Variants in GLRA1 observed in about 807,000 individuals in gnomAD.
GLRA1 encodes the protein glycine receptor alpha 1.
Under a neutral mutation model 48.3 loss-of-function variants are expected in GLRA1, and 37 were observed. The observed-to-expected ratio is 0.77, with a 90% confidence interval of 0.59 to 1.01. GLRA1 has a LOEUF of 1.01. Ranked by LOEUF, GLRA1 falls within the 50% of genes least tolerant of loss-of-function variation. The pLI, the probability that GLRA1 is intolerant of heterozygous loss-of-function variation, is 0.00. For missense variants in GLRA1, 427 were observed against 571.0 expected (o/e 0.75, Z 2.57); for synonymous variants, 196 against 210.7 (o/e 0.93, Z 0.60).
intron 1 of GLRA1, among the ~76,000 whole-genome samples, chr5:151,915,716 C>CATAT (rs34164681): frequency 0.055 from 8,022 of 146,106 alleles, 374 homozygotes; most frequent in African/African-American, 0.13. Context: ...ATATGTAATA[C>CATAT]ATATATATAT....
Position 151,894,882 on chromosome 5 carries a change from C to T in GLRA1, c.57-2444G>A, listed in dbSNP as rs542399119. Among the ~76,000 whole-genome samples, 39 of 152,236 alleles carry T rather than the reference C, an allele frequency of 2.6e-4. No individual in the cohort carries two copies. The South Asian group carries it at 5.0e-3, about 19-fold the overall frequency. On this transcript the variant is annotated intron_variant, in intron 1 of 8. Coordinates refer to ENST00000274576, the MANE Select transcript of GLRA1 (RefSeq NM_000171.4). ...GCCATCTGGTATTGCTTTGAAGATT[C>T]GGAGGGTATTCTAGGACTATTTAGA... is the stretch of plus-strand genomic sequence containing the variant.
At chr5:151,911,841 C>T (rs1754619555) in intron 1 of GLRA1, among the ~76,000 whole-genome samples, 2 of 152,092 alleles carry the variant, frequency 1.3e-5, no homozygotes, top group East Asian at 1.9e-4. Context: ...ATCTCCTGAC[C>T]TCGTGATCTG....
In GLRA1 at chr5:151,919,041, A is replaced by C. The variant is rs1050430195; in HGVS notation, c.56+5453T>G. The stretch of plus-strand genomic sequence containing the variant: ...TGAGGACTCAGAGTGCATTTTAAAC[A>C]TTTCAAAGGCTCTAACAAATTGCAT... On this transcript the variant is annotated intron_variant, in intron 1 of 8. Coordinates refer to ENST00000274576, the MANE Select transcript of GLRA1 (RefSeq NM_000171.4). Among the ~76,000 whole-genome samples the C allele has an allele frequency of 2.0e-5, 3 of 152,348 alleles. No homozygotes were observed. The East Asian group carries it at 5.8e-4, about 29-fold the overall frequency.
In GLRA1 at chr5:151,924,615, A is replaced by C. The variant is rs930816700; in HGVS notation, c.-66T>G. 2.9e-5 allele frequency: 28 copies of C among 980,332 alleles called. No individual in the cohort carries two copies. The highest frequency in any genetic ancestry group is 6.7e-5 in the Admixed American group (4 of 59,264). 60.7% of individuals were successfully genotyped at this position (980,332 alleles called of 1,614,324 possible). ...GCAAAAATGTTTCAAATTGGCACTT[A>C]CAAAACCAGAAAGCGCTATTGCAAA... On this transcript the variant is annotated 5_prime_UTR_variant, in exon 1 of 9. Transcript: ENST00000274576.
chr5:151,849,780 C>A, intron 7 of GLRA1: 1 of 736,460 alleles, frequency 1.4e-6, no homozygotes, highest in Non-Finnish European at 1.9e-6. Context: ...TCTCCAACTC[C>A]TGACCTCAGG....
At chr5:151,885,377 A>G (rs1753874231) in intron 3 of GLRA1, among the ~76,000 whole-genome samples, 1 of 152,242 alleles carries the variant, frequency 6.6e-6, no homozygotes, top group South Asian at 2.1e-4. Context: ...AGGTTGGTAC[A>G]GTGGTAATTG....
chr5:151,914,838 CTT>C (rs1360239409), intron 1 of GLRA1, among the ~76,000 whole-genome samples: 1 of 152,186 alleles, frequency 6.6e-6, no homozygotes, highest in South Asian at 2.1e-4. Context: ...ATGTTAATAA[CTT>C]TTTAACTATC....
At chr5:151,851,692 G>A in intron 6 of GLRA1, 88 bp from the exon 7 acceptor site, 1 of 852,256 alleles carries the variant, frequency 1.2e-6, no homozygotes, top group South Asian at 1.4e-5. Context: ...TAGAGTCCTG[G>A]TTCAGTCTCA....
At chr5:151,879,224 G>T (rs893616413) in intron 3 of GLRA1, among the ~76,000 whole-genome samples, 2 of 152,138 alleles carry the variant, frequency 1.3e-5, no homozygotes, top group Non-Finnish European at 2.9e-5. Context: ...TTTCAGACTC[G>T]CATGGGGCCT....
intron 8 of GLRA1, among the ~76,000 whole-genome samples, chr5:151,824,156 GTTTGT>G (rs1049028676): frequency 6.6e-6 from 1 of 151,382 alleles, no homozygotes. Flanking sequence ...CTTCTGATTT[GTTTGT>G]TTTGTTTTAT....
intron 7 of GLRA1, among the ~76,000 whole-genome samples, chr5:151,845,143 G>A (rs1161414979): frequency 6.6e-6 from 1 of 152,114 alleles, no homozygotes; most frequent in Non-Finnish European, 1.5e-5. Flanking sequence ...ATAGTGAGAA[G>A]TCACCCCTAA....
At chr5:151,842,560 TG>T (rs1338488689) in intron 7 of GLRA1, among the ~76,000 whole-genome samples, 4 of 152,206 alleles carry the variant, frequency 2.6e-5, no homozygotes, top group Non-Finnish European at 2.9e-5. Context: ...ACAGCTTTCA[TG>T]GTAAAAATAC....
chr5:151,851,540 C>T lies in GLRA1; in HGVS notation c.762G>A (p.Gln254=), dbSNP rs1413401079. ...CAATGAGCAGGCTGGGAATATACATCTGAATCAGGTAGTAACCCATCTGCC... is the reference window on the plus strand; with the variant it reads ...CAATGAGCAGGCTGGGAATATACATTTGAATCAGGTAGTAACCCATCTGCC... ...LERQMGYYLI[Q]MYIPSLLIVI... The change falls in exon 7 of 9, where the codon CAG becomes CAA. Residue 254 remains glutamine (Q), a synonymous_variant. Transcript: ENST00000274576. 2 of 1,613,930 alleles carry T rather than the reference C, an allele frequency of 1.2e-6. No homozygotes were observed. Among genetic ancestry groups the T allele is most frequent in the African/African-American group, 1.3e-5 (1 of 74,902 alleles).
chr5:151,854,566 G>T (rs1274222344), intron 6 of GLRA1, among the ~76,000 whole-genome samples: 1 of 152,222 alleles, frequency 6.6e-6, no homozygotes, highest in Admixed American at 6.5e-5. Context: ...AGAGAGCTAA[G>T]CTACACCATC....
chr5:151,896,316 A>G (rs985143886), intron 1 of GLRA1, among the ~76,000 whole-genome samples: 34 of 152,224 alleles, frequency 2.2e-4, no homozygotes, highest in Admixed American at 2.1e-3. Context: ...GTCACACAGC[A>G]CTTTAAAGAG....
chr5:151,824,951 TTTG>T lies in GLRA1; in HGVS notation c.1060-1991_1060-1989del, dbSNP rs144284694. Among the ~76,000 whole-genome samples the T allele has an allele frequency of 9.5e-3, 1,452 of 152,290 alleles. 19 individuals are homozygous for T. Among genetic ancestry groups the T allele is most frequent in the African/African-American group, 0.031 (1,300 of 41,550 alleles). ...ATCTTCACCAGCTTTAGTGTCCTTT[TTTG>T]TTGTTGTTGTTTGTTTAAATGGAGT... On this transcript the variant is annotated intron_variant, in intron 8 of 8. Coordinates refer to ENST00000274576, the MANE Select transcript of GLRA1 (RefSeq NM_000171.4).
At chr5:151,917,665 G>A (rs908432841) in intron 1 of GLRA1, among the ~76,000 whole-genome samples, 11 of 152,158 alleles carry the variant, frequency 7.2e-5, no homozygotes, top group Non-Finnish European at 1.6e-4. Flanking sequence ...CTTAACAAAT[G>A]TTTGGGAATC....
intron 3 of GLRA1, among the ~76,000 whole-genome samples, chr5:151,864,867 G>A (rs1268902056): frequency 2.0e-5 from 3 of 152,198 alleles, no homozygotes; most frequent in African/African-American, 4.8e-5. Context: ...GTACCTATAA[G>A]AAGGAAGAGG....
chr5:151,912,178 CA>C (rs1427613098), intron 1 of GLRA1, among the ~76,000 whole-genome samples: 2 of 151,452 alleles, frequency 1.3e-5, no homozygotes, highest in East Asian at 3.9e-4. Context: ...TAGCTTTTTA[CA>C]GTCCAAGCCA....
Sources: gnomAD v4.1 joint callset for allele counts (sites outside exome capture counted in the v4.1 genomes callset) on GRCh38, gnomAD v4.1.1 for gene constraint, MANE v1.5 for transcripts, NCBI Gene and HGNC (gene_info 2026-07-23, HGNC 2026-07-21) for gene names.